The following LINGO2 variants were observed in gnomAD, a reference collection of about 807,000 sequenced individuals.
The protein encoded by LINGO2 is leucine rich repeat and Ig domain containing 2, also known as leucine-rich repeat and immunoglobulin-like domain-containing nogo receptor-interacting protein 2.
In LINGO2, 14 loss-of-function variants were observed where a neutral mutation model predicts 30.6. The observed-to-expected ratio is 0.46, with a 90% CI of 0.30 to 0.72. LINGO2 has a LOEUF of 0.72. LINGO2 is among the 30% of genes least tolerant of loss of function. LINGO2 has a pLI of 0.07. For missense variants in LINGO2, 729 were observed against 751.7 expected, an observed-to-expected ratio of 0.97 and a Z score of 0.35; for synonymous variants, 317 against 288.5, an observed-to-expected ratio of 1.10 and a Z score of -1.00.
At chr9:27,942,719 T>C in the LINGO2 span, 1 of 151,910 alleles carries the variant, frequency 6.6e-6, no homozygotes, top group Admixed American at 6.6e-5. Flanking sequence ...ATACACATTC[T>C]GTCTCTTTTT....
chr9:29,128,317 TTC>T, the LINGO2 span, among the ~76,000 whole-genome samples: 1 of 152,120 alleles, frequency 6.6e-6, no homozygotes, highest in African/African-American at 2.4e-5. Context: ...CCTTAGAATT[TTC>T]TCTTTCTTGC....
chr9:28,904,170 TA>T, the LINGO2 span, among the ~76,000 whole-genome samples: 4 of 149,524 alleles, frequency 2.7e-5, no homozygotes, highest in South Asian at 2.1e-4. Flanking sequence ...CCTTTTATGA[TA>T]AAAAAAAAAC....
Position 28,258,441 on chromosome 9 carries a change from A to G in LINGO2, c.-87+36767T>C, listed in dbSNP as rs149422564. On this transcript the variant is annotated intron_variant, in intron 4 of 5. Transcript: ENST00000379992. Reference sequence around the variant, plus strand: ...AATTAAATTATGCACTTAATTGTCAATATAAACATATAAAAAGATCACTGC... The same window carrying G: ...AATTAAATTATGCACTTAATTGTCAGTATAAACATATAAAAAGATCACTGC... Among the ~76,000 whole-genome samples, 219 of 152,088 alleles carry G rather than the reference A, an allele frequency of 1.4e-3. 1 individual carries two copies. The highest frequency in any genetic ancestry group is 3.4e-3 in the Middle Eastern group (1 of 294).
At position 28,535,090 on chromosome 9, in the gene LINGO2, T is replaced by C. The variant is rs73441433; in HGVS notation, c.-364-59065A>G. The stretch of plus-strand genomic sequence containing the variant: ...ATTACCACAGGGAAAGTATTAGGGA[T>C]GGGTTCATGCATTTATGTTTACAAA... On this transcript the variant is annotated intron_variant, in intron 1 of 5. Transcript: ENST00000379992. 2.0e-3 allele frequency among the ~76,000 whole-genome samples: 306 copies of C among 152,258 alleles called. 1 individual carries two copies. The highest frequency in any genetic ancestry group is 6.9e-3 in the African/African-American group (285 of 41,564).
At chr9:28,068,800 A>G (rs746521309) in intron 4 of LINGO2, among the ~76,000 whole-genome samples, 4 of 152,264 alleles carry the variant, frequency 2.6e-5, no homozygotes, top group Admixed American at 6.5e-5. Flanking sequence ...TTCAAATCCA[A>G]TACTCCATAT....
the LINGO2 span, among the ~76,000 whole-genome samples, chr9:28,832,375 T>A: frequency 2.0e-5 from 3 of 152,238 alleles, no homozygotes; most frequent in East Asian, 5.8e-4. Context: ...GTGCAACTTA[T>A]GTTTCTTATT....
chr9:28,877,512 C>T, the LINGO2 span, among the ~76,000 whole-genome samples: 1 of 152,258 alleles, frequency 6.6e-6, no homozygotes, highest in Non-Finnish European at 1.5e-5. Context: ...ATAGGGAATC[C>T]TTTCCCCATT....
chr9:28,429,418 T>C (rs1164814035), intron 2 of LINGO2, among the ~76,000 whole-genome samples: 1 of 152,204 alleles, frequency 6.6e-6, no homozygotes, highest in Non-Finnish European at 1.5e-5. Flanking sequence ...ATGTTATGAA[T>C]GAAGTTTAAA....
the LINGO2 span, among the ~76,000 whole-genome samples, chr9:28,701,238 A>G: frequency 1.3e-5 from 2 of 151,998 alleles, no homozygotes; most frequent in Admixed American, 6.6e-5. Context: ...GCCATACCCA[A>G]TTATATATAA....
At chr9:28,048,563 T>C (rs1268811823) in intron 4 of LINGO2, among the ~76,000 whole-genome samples, 4 of 150,898 alleles carry the variant, frequency 2.7e-5, no homozygotes, top group Non-Finnish European at 5.9e-5. Flanking sequence ...ATCTTATAAA[T>C]TGGCATACCT....
the LINGO2 span, among the ~76,000 whole-genome samples, chr9:29,109,635 G>T: frequency 6.6e-6 from 1 of 152,166 alleles, no homozygotes. Context: ...TATTAAAAGT[G>T]GATATGGCAG....
chr9:28,780,256 C>T, the LINGO2 span, among the ~76,000 whole-genome samples: 3 of 152,068 alleles, frequency 2.0e-5, no homozygotes, highest in Non-Finnish European at 4.4e-5. Context: ...TCCAGAATAG[C>T]GCATAATATC....
At chr9:28,320,039 G>A (rs1216403013) in intron 3 of LINGO2, among the ~76,000 whole-genome samples, 2 of 151,974 alleles carry the variant, frequency 1.3e-5, no homozygotes, top group Non-Finnish European at 2.9e-5. Flanking sequence ...TTGTCTCATT[G>A]CTCCTATGGA....
chr9:28,255,030 G>C (rs1299147804), intron 4 of LINGO2, among the ~76,000 whole-genome samples: 1 of 152,000 alleles, frequency 6.6e-6, no homozygotes, highest in Non-Finnish European at 1.5e-5. Context: ...AAATTTACTA[G>C]AGTTCCTCAT....
chr9:28,082,159 T>G (rs770850900), intron 4 of LINGO2, among the ~76,000 whole-genome samples: 2 of 152,158 alleles, frequency 1.3e-5, no homozygotes, highest in Non-Finnish European at 2.9e-5. Flanking sequence ...ACCTTGGATT[T>G]TGAAGCCCAT....
At chr9:28,900,223 C>T in the LINGO2 span, among the ~76,000 whole-genome samples, 1 of 152,156 alleles carries the variant, frequency 6.6e-6, no homozygotes, top group Admixed American at 6.5e-5. Context: ...CAGGCCAGTC[C>T]CCACGGTTCC....
intron 4 of LINGO2, among the ~76,000 whole-genome samples, chr9:28,172,420 T>C (rs924204239): frequency 4.0e-5 from 6 of 151,648 alleles, no homozygotes; most frequent in African/African-American, 1.5e-4. Flanking sequence ...CACCAGGCAC[T>C]AAACTAGAGC....
chr9:28,893,705 C>T, the LINGO2 span, among the ~76,000 whole-genome samples: 9 of 146,762 alleles, frequency 6.1e-5, no homozygotes, highest in African/African-American at 7.6e-5. Flanking sequence ...ACTTGTGTGT[C>T]TTTTTCACAA....
the LINGO2 span, among the ~76,000 whole-genome samples, chr9:28,780,828 TAATG>T: frequency 0.065 from 9,046 of 139,368 alleles, 299 homozygotes; most frequent in East Asian, 0.085. Flanking sequence ...ATCTTGGTAG[TAATG>T]TGTGTGTGTG....
Sources: allele counts gnomAD v4.1 joint callset (sites outside exome capture counted in the v4.1 genomes callset), GRCh38; gene constraint gnomAD v4.1.1; transcripts MANE v1.5; gene names NCBI Gene and HGNC (gene_info 2026-07-23, HGNC 2026-07-21).